Variants in RIN2 observed in about 807,000 individuals in gnomAD.
The protein encoded by RIN2 is Ras and Rab interactor 2, also known as RAB5 interacting protein 2.
In RIN2, 36 loss-of-function variants were observed where a neutral mutation model predicts 78.0. That is an observed-to-expected ratio of 0.46 (90% CI 0.35 to 0.61). RIN2 has a LOEUF of 0.61. RIN2 is among the 20% of genes least tolerant of loss of function. RIN2 has a pLI of 0.00. For synonymous variants in RIN2, 466 were observed against 466.8 expected, an observed-to-expected ratio of 1.00 and a Z score of 0.02; for missense variants, 1,087 against 1,159.7, an observed-to-expected ratio of 0.94 and a Z score of 0.91.
chr20:19,774,112 T>A (rs1020600920), intron 1 of RIN2, among the ~76,000 whole-genome samples: 1 of 152,046 alleles, frequency 6.6e-6, no homozygotes, highest in African/African-American at 2.4e-5. Flanking sequence ...GAGGCCTTTA[T>A]AGGCTCCTCT....
chr20:19,829,552 G>A (rs1432985940), intron 2 of RIN2, among the ~76,000 whole-genome samples: 3 of 152,166 alleles, frequency 2.0e-5, no homozygotes, highest in African/African-American at 7.2e-5. Context: ...GGCTTAAAAA[G>A]TTCAAAAATC....
chr20:19,769,433 T>C (rs1369253640), intron 1 of RIN2, among the ~76,000 whole-genome samples: 1 of 152,210 alleles, frequency 6.6e-6, no homozygotes, highest in Non-Finnish European at 1.5e-5. Flanking sequence ...CTTACTCAAA[T>C]ACACATGAGT....
At chr20:19,773,723 G>A (rs1038172564) in intron 1 of RIN2, among the ~76,000 whole-genome samples, 1 of 151,844 alleles carries the variant, frequency 6.6e-6, no homozygotes, top group Non-Finnish European at 1.5e-5. Flanking sequence ...CTTAATGAAC[G>A]GCAGCTTCTC....
At chr20:19,886,590 C>T (rs1426109524) in intron 2 of RIN2, 8 of 800,508 alleles carry the variant, frequency 1.0e-5, no homozygotes, top group Non-Finnish European at 1.4e-5. Flanking sequence ...CCTATGAGGG[C>T]TGCCTTCTTC....
At chr20:19,908,045 C>T (rs939308991) in intron 3 of RIN2, among the ~76,000 whole-genome samples, 3 of 152,186 alleles carry the variant, frequency 2.0e-5, no homozygotes, top group African/African-American at 4.8e-5. Context: ...TATTTCTTCA[C>T]CTTCCTCATG....
At chr20:19,776,453 C>T (rs2034313170) in intron 1 of RIN2, among the ~76,000 whole-genome samples, 1 of 152,168 alleles carries the variant, frequency 6.6e-6, no homozygotes, top group African/African-American at 2.4e-5. Context: ...TGAATGTGGC[C>T]AGGCACTGTA....
intron 4 of RIN2, among the ~76,000 whole-genome samples, chr20:19,943,926 C>G (rs1288402941): frequency 2.0e-5 from 3 of 150,860 alleles, no homozygotes; most frequent in Non-Finnish European, 4.4e-5. Flanking sequence ...CCCTTCTTCT[C>G]CAGACTAATA....
chr20:19,871,789 T>C (rs1254331282), intron 2 of RIN2: 1 of 152,236 alleles, frequency 6.6e-6, no homozygotes, highest in Non-Finnish European at 1.5e-5. Flanking sequence ...GAACTCTGCC[T>C]AACAGGGACT....
intron 3 of RIN2, among the ~76,000 whole-genome samples, chr20:19,910,180 TTCTC>T (rs560346702): frequency 6.6e-4 from 100 of 152,326 alleles, no homozygotes; most frequent in Middle Eastern, 3.4e-3. Flanking sequence ...TTTTCATACT[TTCTC>T]TCTTTTTTTT....
Position 19,935,732 on chromosome 20 carries a change from G to A in RIN2, c.158+533G>A, listed in dbSNP as rs374439485. ...GGCGGCGTGCTGTGCTGTTGAAGGC[G>A]ATACCTGTGCACATACTGCACACCG... On this transcript the variant is annotated intron_variant, in intron 4 of 12. Transcript: ENST00000255006. The A allele has an allele frequency of 4.9e-5, 24 of 494,600 alleles. 1 individual carries two copies. In the East Asian group the frequency reaches 1.1e-3, roughly 22 times the overall value. The allele number at this position is 494,600 out of a possible 1,614,324, so 30.6% of individuals were successfully genotyped here. A position where few individuals can be genotyped will look rare whatever the true frequency, so the allele number is the denominator to read the frequency against.
At chr20:19,827,121 A>C (rs562129130) in intron 2 of RIN2, among the ~76,000 whole-genome samples, 2 of 151,834 alleles carry the variant, frequency 1.3e-5, no homozygotes, top group Non-Finnish European at 2.9e-5. Context: ...GATTACAGGC[A>C]TGTGCTACCA....
chr20:19,874,389 T>A (rs2037790956), intron 2 of RIN2, among the ~76,000 whole-genome samples: 1 of 152,222 alleles, frequency 6.6e-6, no homozygotes, highest in South Asian at 2.1e-4. Context: ...AATGGTTCAG[T>A]GTTGGCTAAT....
At chr20:19,772,988 G>C (rs1263270124) in intron 1 of RIN2, among the ~76,000 whole-genome samples, 2 of 152,284 alleles carry the variant, frequency 1.3e-5, no homozygotes, top group Non-Finnish European at 2.9e-5. Context: ...CCACAAACAA[G>C]GTGGCTCGAA....
At chr20:19,983,354 C>A (rs1207518667) in intron 9 of RIN2, among the ~76,000 whole-genome samples, 2 of 152,172 alleles carry the variant, frequency 1.3e-5, no homozygotes, top group Non-Finnish European at 2.9e-5. Flanking sequence ...GGGAAAGTCA[C>A]CTGACTTCCA....
chr20:19,966,249 T>C (rs1050880782), intron 7 of RIN2, among the ~76,000 whole-genome samples: 1 of 152,240 alleles, frequency 6.6e-6, no homozygotes, highest in African/African-American at 2.4e-5. Flanking sequence ...TTTATTTTAA[T>C]TTAAGGATTA....
At chr20:19,837,126 C>A (rs1400702817) in intron 2 of RIN2, among the ~76,000 whole-genome samples, 1 of 151,182 alleles carries the variant, frequency 6.6e-6, no homozygotes, top group Non-Finnish European at 1.5e-5. Context: ...AACTAAGCCT[C>A]AGAGAGATTA....
rs550806946 is a variant in RIN2 at position 19,768,953 on chromosome 20, G to A, written c.-163+10626G>A. 2.0e-3 allele frequency among the ~76,000 whole-genome samples: 274 copies of A among 137,026 alleles called. 1 individual carries two copies. Among genetic ancestry groups the A allele is most frequent in the African/African-American group, 6.2e-3 (223 of 36,076 alleles). The allele number at this position is 137,026 out of a possible 152,430, so 89.9% of individuals were successfully genotyped here. On this transcript the variant is annotated intron_variant, in intron 1 of 12. Transcript: ENST00000255006. Reference sequence around the variant, plus strand: ...TTTTTTTTTTTTGAGACCGAGTCTCGCTCTGTCACCCAGGCTGGAGTACAA... The same window carrying A: ...TTTTTTTTTTTTGAGACCGAGTCTCACTCTGTCACCCAGGCTGGAGTACAA...
At chr20:19,922,774 C>T (rs2039978899) in intron 3 of RIN2, among the ~76,000 whole-genome samples, 1 of 152,168 alleles carries the variant, frequency 6.6e-6, no homozygotes, top group Non-Finnish European at 1.5e-5. Flanking sequence ...GCCCAAAGAC[C>T]AGTGTCCCCA....
intron 2 of RIN2, among the ~76,000 whole-genome samples, chr20:19,861,754 A>C (rs1436871624): frequency 6.6e-6 from 1 of 150,930 alleles, no homozygotes; most frequent in Non-Finnish European, 1.5e-5. Flanking sequence ...TCCGATGATC[A>C]CCCTCCATAT....
Sources: allele counts gnomAD v4.1 joint callset (sites outside exome capture counted in the v4.1 genomes callset), GRCh38; gene constraint gnomAD v4.1.1; transcripts MANE v1.5; gene names NCBI Gene and HGNC (gene_info 2026-07-23, HGNC 2026-07-21).